AMZ1: variants seen among roughly 807,000 people sequenced by gnomAD.
AMZ1 encodes the protein archaelysin family metallopeptidase 1, also known as archaemetzincin-1.
AMZ1 carries 39 observed loss-of-function variants against 29.9 expected under a neutral mutation model. The ratio of observed to expected loss-of-function variants is 1.30; its 90% confidence interval spans 1.01 to 1.70. The LOEUF is 1.70. AMZ1 is among the 40% of genes most tolerant of loss of function. AMZ1 has a pLI of 0.00. For missense variants in AMZ1, 1,041 were observed against 680.6 expected, an observed-to-expected ratio of 1.53 and a Z score of -5.89; for synonymous variants, 458 against 304.0, an observed-to-expected ratio of 1.51 and a Z score of -5.27.
intron 4 of AMZ1, among the ~76,000 whole-genome samples, chr7:2,743,891 G>C (rs961331746): frequency 1.3e-5 from 2 of 152,040 alleles, no homozygotes; most frequent in Non-Finnish European, 2.9e-5. Context: ...CTGGCTCGGA[G>C]GGTCCTACAC....
intron 1 of AMZ1, among the ~76,000 whole-genome samples, chr7:2,689,954 C>T (rs1787288380): frequency 1.3e-5 from 2 of 152,124 alleles, no homozygotes; most frequent in African/African-American, 2.4e-5. Context: ...GCAGAAATGA[C>T]CTGGCAGGAT....
chr7:2,713,007 A>C lies in AMZ1; in HGVS notation c.*129A>C. 9.4e-7 allele frequency: 1 copy of C among 1,060,152 alleles called. No homozygotes were observed. Among genetic ancestry groups the C allele is most frequent in the East Asian group, 3.1e-5 (1 of 32,260 alleles). The allele number at this position is 1,060,152 out of a possible 1,614,324, so 65.7% of individuals were successfully genotyped here. The stretch of plus-strand genomic sequence containing the variant: ...GCCTGGGTGGTGGCTCAGGCCTGTC[A>C]TCCCATCACTTTGAGAGGCCAGGAG... On this transcript the variant is annotated 3_prime_UTR_variant, in exon 7 of 7. Transcript: ENST00000683327.
intron 1 of AMZ1, among the ~76,000 whole-genome samples, chr7:2,693,716 T>C (rs1003261335): frequency 2.6e-5 from 4 of 152,100 alleles, no homozygotes; most frequent in African/African-American, 9.7e-5. Context: ...CCACCACGCC[T>C]GGCTAATTTT....
rs1562372245 is a variant in AMZ1, at chr7:2,709,171, GC to G, written c.702del (p.Glu235ArgfsTer66). 2 of 1,548,242 alleles carry G rather than the reference GC, an allele frequency of 1.3e-6. No individual in the cohort carries two copies. The highest frequency in any genetic ancestry group is 1.7e-6 in the Non-Finnish European group (2 of 1,149,124). On this transcript the variant is annotated frameshift_variant, in exon 5 of 7. Transcript: ENST00000683327. LOFTEE classifies it high-confidence loss of function. The part of the protein sequence containing the change: ...DLALVEAAAD[G>X]PEAPLQDRGW... ...GCCCTGGTAGAGGCAGCAGCAGACG[GC>G]CCCGAGGCCCCCCTGCAGGACAGGG... is the stretch of plus-strand genomic sequence containing the variant.
At chr7:2,692,356 C>T (rs915702663) in intron 1 of AMZ1, among the ~76,000 whole-genome samples, 2 of 151,926 alleles carry the variant, frequency 1.3e-5, no homozygotes, top group Admixed American at 1.3e-4. Context: ...CTGGCTAACA[C>T]GTGAAACCCC....
downstream of AMZ1, among the ~76,000 whole-genome samples, chr7:2,722,993 G>GTAAAA (rs1216818927): frequency 2.0e-5 from 3 of 148,774 alleles, no homozygotes; most frequent in Non-Finnish European, 4.4e-5. Context: ...ATAAAATAAA[G>GTAAAA]TAAAATAAAA....
chr7:2,736,287 C>A (rs1790171550), intron 4 of AMZ1, among the ~76,000 whole-genome samples: 1 of 152,190 alleles, frequency 6.6e-6, no homozygotes, highest in South Asian at 2.1e-4. Flanking sequence ...GATCTAGAAA[C>A]ACGAGTGGAT....
At chr7:2,758,873 G>A (rs928848384) in intron 4 of AMZ1, among the ~76,000 whole-genome samples, 15 of 152,154 alleles carry the variant, frequency 9.9e-5, no homozygotes, top group East Asian at 3.9e-4. Context: ...TGCTGGGCGC[G>A]GTGGCTCATG....
rs986623321 is a variant in AMZ1, at chr7:2,716,017, A to C, written c.*3139A>C. 1 of 152,062 alleles carries C rather than the reference A, an allele frequency of 6.6e-6. No individual in the cohort carries two copies. The highest frequency in any genetic ancestry group is 6.6e-5 in the Admixed American group (1 of 15,266). 9.4% of individuals were successfully genotyped at this position (152,062 alleles called of 1,614,324 possible). On this transcript the variant is annotated 3_prime_UTR_variant, in exon 7 of 7. Coordinates refer to ENST00000683327, the MANE Select transcript of AMZ1 (RefSeq NM_001384743.1). ...GGATGGGTCTTCCAGCTTGACGATGACCTCTCTTCGGAGAGCCTCACCCAT... is the reference window on the plus strand; with the variant it reads ...GGATGGGTCTTCCAGCTTGACGATGCCCTCTCTTCGGAGAGCCTCACCCAT...
upstream of AMZ1, among the ~76,000 whole-genome samples, chr7:2,685,203 G>A (rs1226462233): frequency 6.6e-6 from 1 of 151,902 alleles, no homozygotes; most frequent in Non-Finnish European, 1.5e-5. Flanking sequence ...GCTATTCAGG[G>A]AGGGGCGTGG....
Position 2,716,611 on chromosome 7 carries a change from TAC to T in AMZ1, c.*3736_*3737del, listed in dbSNP as rs761379960. The T allele has an allele frequency of 1.6e-4, 24 of 152,306 alleles. No homozygotes were observed. Among genetic ancestry groups the T allele is most frequent in the Admixed American group, 5.9e-4 (9 of 15,304 alleles). 9.4% of individuals were successfully genotyped at this position (152,306 alleles called of 1,614,324 possible). A position where few individuals can be genotyped will look rare whatever the true frequency, so the allele number is the denominator to read the frequency against. ...GGCTAGAACATTCCAGGGACACACC[TAC>T]ACGCAGAGGGTCTCCATACAGTGCC... is the stretch of plus-strand genomic sequence containing the variant. On this transcript the variant is annotated 3_prime_UTR_variant, in exon 7 of 7. Coordinates refer to ENST00000683327, the MANE Select transcript of AMZ1 (RefSeq NM_001384743.1).
intron 1 of AMZ1, among the ~76,000 whole-genome samples, chr7:2,695,879 G>A (rs920204944): frequency 1.1e-4 from 16 of 151,828 alleles, no homozygotes; most frequent in East Asian, 5.8e-4. Flanking sequence ...GCGTGGTGGC[G>A]GGCACCTGTA....
At chr7:2,709,883 G>A (rs1363080919) in intron 6 of AMZ1, 67 bp downstream of exon 6, 3 of 1,579,100 alleles carry the variant, frequency 1.9e-6, no homozygotes, top group Admixed American at 1.8e-5. Flanking sequence ...AGCGCCGCCT[G>A]GAGGCTACGC....
At chr7:2,707,328 C>CTGT (rs1216440029) in intron 3 of AMZ1, among the ~76,000 whole-genome samples, 3 of 151,922 alleles carry the variant, frequency 2.0e-5, no homozygotes, top group African/African-American at 7.2e-5. Context: ...CCTTGTCAAT[C>CTGT]TGTTCCTTTT....
At chr7:2,726,621 A>G (rs894499789) in intron 4 of AMZ1, among the ~76,000 whole-genome samples, 2 of 151,982 alleles carry the variant, frequency 1.3e-5, no homozygotes, top group African/African-American at 2.4e-5. Flanking sequence ...TTTCTGGCGC[A>G]CTCTCTGCCT....
At position 2,709,154 on chromosome 7, in the gene AMZ1, A is replaced by C; in HGVS notation, c.681A>C (p.Val227=). ...CCAGCGCCCCTGATCTGGCCCTGGT[A>C]GAGGCAGCAGCAGACGGCCCCGAGG... ...SGPSAPDLAL[V]EAAADGPEAP... The change falls in exon 5 of 7, where the codon GTA becomes GTC. Residue 227 remains valine, a synonymous_variant. Transcript: ENST00000683327. 6.3e-7 allele frequency: 1 copy of C among 1,580,978 alleles called. No homozygotes were observed. Among genetic ancestry groups the C allele is most frequent in the East Asian group, 2.3e-5 (1 of 43,854 alleles).
At chr7:2,756,554 G>A (rs1203430826) in intron 4 of AMZ1, among the ~76,000 whole-genome samples, 2 of 152,094 alleles carry the variant, frequency 1.3e-5, no homozygotes, top group Non-Finnish European at 2.9e-5. Flanking sequence ...GGTCGAGGCT[G>A]CAGTGAGCCA....
chr7:2,763,132 A>T, upstream of AMZ1: 1 of 1,232,250 alleles, frequency 8.1e-7, no homozygotes, highest in Non-Finnish European at 1.0e-6. Context: ...CTCTCTTCTC[A>T]GAAGCATTTC....
intron 1 of AMZ1, among the ~76,000 whole-genome samples, chr7:2,696,082 C>T (rs965558814): frequency 2.3e-4 from 35 of 151,762 alleles, no homozygotes; most frequent in Non-Finnish European, 4.6e-4. Flanking sequence ...TCCAACCCCC[C>T]TCGCCCCGCC....
Sources: allele counts gnomAD v4.1 joint callset (sites outside exome capture counted in the v4.1 genomes callset), GRCh38; gene constraint gnomAD v4.1.1; transcripts MANE v1.5; gene names NCBI Gene and HGNC (gene_info 2026-07-23, HGNC 2026-07-21).